ARPP21: variants seen among roughly 807,000 people sequenced by gnomAD.
ARPP21 encodes cAMP regulated phosphoprotein 21, also known as cAMP-regulated phosphoprotein 21.
Under a neutral mutation model 113.2 loss-of-function variants are expected in ARPP21, and 69 were observed. That is an observed-to-expected ratio of 0.61 (90% CI 0.50 to 0.74). The LOEUF (loss-of-function observed/expected upper bound fraction) is 0.74. Among genes scored for constraint, ARPP21 ranks in the 30% least tolerant of loss-of-function variants. The probability of loss-of-function intolerance (pLI) is 0.00; values close to 1 mark genes in which losing one functional copy is unlikely to be tolerated. For synonymous variants in ARPP21, 368 were observed against 375.5 expected (o/e 0.98, Z 0.23); for missense variants, 1,070 against 1,037.4 (o/e 1.03, Z -0.43).
At chr3:35,653,435 G>A (rs1293020400) in intron 1 of ARPP21, among the ~76,000 whole-genome samples, 2 of 151,954 alleles carry the variant, frequency 1.3e-5, no homozygotes, top group Admixed American at 6.6e-5. Flanking sequence ...TGACAAAGAA[G>A]GCCATGGAAA....
intron 1 of ARPP21, among the ~76,000 whole-genome samples, chr3:35,672,023 A>G: frequency 6.6e-6 from 1 of 151,936 alleles, no homozygotes; most frequent in South Asian, 2.1e-4. Flanking sequence ...TTCCTTACTT[A>G]TATGCTTTAG....
chr3:35,755,936 G>A (rs913823021), intron 19 of ARPP21, among the ~76,000 whole-genome samples: 2 of 152,016 alleles, frequency 1.3e-5, no homozygotes, highest in Admixed American at 6.6e-5. Flanking sequence ...GAACTTATAA[G>A]ACACTATCTC....
intron 19 of ARPP21, among the ~76,000 whole-genome samples, chr3:35,781,119 T>C (rs774498257): frequency 2.0e-5 from 3 of 152,078 alleles, no homozygotes; most frequent in Non-Finnish European, 2.9e-5. Flanking sequence ...GCCTGAGAAT[T>C]TAGATAGCTG....
At chr3:35,733,398 G>A (rs948156977) in intron 15 of ARPP21, among the ~76,000 whole-genome samples, 2 of 152,150 alleles carry the variant, frequency 1.3e-5, no homozygotes, top group African/African-American at 4.8e-5. Flanking sequence ...CGCCTGCTCT[G>A]CATTCAAAGT....
chr3:35,678,515 T>C (rs2078079611), intron 1 of ARPP21, among the ~76,000 whole-genome samples: 1 of 151,968 alleles, frequency 6.6e-6, no homozygotes, highest in Non-Finnish European at 1.5e-5. Context: ...TCCACTTTTT[T>C]CCTAAATGCA....
chr3:35,721,885 C>T lies in ARPP21; in HGVS notation c.1225+51C>T, dbSNP rs760471019. 5.6e-6 allele frequency: 7 copies of T among 1,243,024 alleles called. No homozygotes were observed. The East Asian group carries it at 7.7e-5, about 14-fold the overall frequency. 77.0% of individuals were successfully genotyped at this position (1,243,024 alleles called of 1,614,324 possible). On this transcript the variant is annotated intron_variant, in intron 14 of 20. Coordinates refer to ENST00000684406, the MANE Select transcript of ARPP21 (RefSeq NM_001385562.1). ...TCCTGTGGTATTTTTTGGATTCTAC[C>T]CAAGCCATATGGTCACCATTCCCTC...
At chr3:35,643,468 G>C (rs1698936200) in intron 1 of ARPP21, among the ~76,000 whole-genome samples, 1 of 152,062 alleles carries the variant, frequency 6.6e-6, no homozygotes. Flanking sequence ...ATTTCCCTTA[G>C]TGGTCATGCC....
intron 14 of ARPP21, among the ~76,000 whole-genome samples, chr3:35,728,774 G>T (rs2093735037): frequency 6.6e-6 from 1 of 152,064 alleles, no homozygotes; most frequent in East Asian, 1.9e-4. Context: ...ACACATGAAG[G>T]TAAAAGATTA....
chr3:35,764,846 T>A (rs1576786963), intron 19 of ARPP21, among the ~76,000 whole-genome samples: 1 of 152,146 alleles, frequency 6.6e-6, no homozygotes, highest in Admixed American at 6.6e-5. Context: ...GAAATACATA[T>A]GCATAGAGGA....
intron 19 of ARPP21, among the ~76,000 whole-genome samples, chr3:35,777,596 A>G (rs2096409262): frequency 6.6e-6 from 1 of 152,238 alleles, no homozygotes; most frequent in African/African-American, 2.4e-5. Context: ...ACTTGAGACT[A>G]ACTTCCAGTA....
chr3:35,666,268 A>G (rs2074342151), intron 1 of ARPP21, among the ~76,000 whole-genome samples: 1 of 152,076 alleles, frequency 6.6e-6, no homozygotes, highest in African/African-American at 2.4e-5. Flanking sequence ...AAAATTTTTT[A>G]CTGGTTTCTT....
chr3:35,704,803 C>G lies in ARPP21; in HGVS notation c.687-2171C>G, dbSNP rs528402558. Among the ~76,000 whole-genome samples, 3 of 152,032 alleles carry G rather than the reference C, an allele frequency of 2.0e-5. No individual in the cohort carries two copies. In the South Asian group the frequency reaches 6.2e-4, roughly 32 times the overall value. ...TATTCAGCCAAATGCCTCTCAGGTACCAGGCATGGTTCTAGGCACTAAGAC... is the reference window on the plus strand; with the variant it reads ...TATTCAGCCAAATGCCTCTCAGGTAGCAGGCATGGTTCTAGGCACTAAGAC... On this transcript the variant is annotated intron_variant, in intron 9 of 20. Transcript: ENST00000684406.
chr3:35,719,023 T>C (rs1487099136), intron 13 of ARPP21, among the ~76,000 whole-genome samples: 3 of 129,192 alleles, frequency 2.3e-5, no homozygotes, highest in Non-Finnish European at 5.2e-5. Context: ...TGGAATGAAA[T>C]TCTAGTTACT....
Position 35,668,014 on chromosome 3 carries a change from G to GAAGAAGAAGAAGAAGAAA in ARPP21, c.-212-11756_-212-11755insAAAGAAGAAGAAGAAGAA, listed in dbSNP as rs1559550148. Reference sequence around the variant, plus strand: ...AGAAGAAGAAGAAGAAGAAGAAGAAGAAGAAGAAGAAGAAGAAGGAGAAGA... The same window carrying GAAGAAGAAGAAGAAGAAA: ...AGAAGAAGAAGAAGAAGAAGAAGAAGAAGAAGAAGAAGAAGAAAAAGAAGAAGAAGAAGAAGGAGAAGA... On this transcript the variant is annotated intron_variant, in intron 1 of 20. Transcript: ENST00000684406. Among the ~76,000 whole-genome samples the GAAGAAGAAGAAGAAGAAA allele has an allele frequency of 1.9e-3, 281 of 149,836 alleles. 6 individuals are homozygous for GAAGAAGAAGAAGAAGAAA. Among genetic ancestry groups the GAAGAAGAAGAAGAAGAAA allele is most frequent in the African/African-American group, 6.3e-3 (254 of 40,054 alleles).
At chr3:35,725,956 A>G (rs1193845608) in intron 14 of ARPP21, among the ~76,000 whole-genome samples, 3 of 152,186 alleles carry the variant, frequency 2.0e-5, no homozygotes, top group Non-Finnish European at 4.4e-5. Flanking sequence ...AACATGACCT[A>G]CAGGCTTAGA....
chr3:35,730,245 A>T (rs1302569711), intron 15 of ARPP21, among the ~76,000 whole-genome samples: 1 of 152,198 alleles, frequency 6.6e-6, no homozygotes, highest in Non-Finnish European at 1.5e-5. Context: ...ATTTCAAAAG[A>T]CTGAGGGCAC....
At chr3:35,738,171 C>T (rs1267722404) in intron 16 of ARPP21, 43 bp from the exon 17 acceptor site, 1 of 1,273,006 alleles carries the variant, frequency 7.9e-7, no homozygotes, top group Non-Finnish European at 1.1e-6. Context: ...GATTTCAACC[C>T]CAGTGCTTTT....
At chr3:35,696,763 G>A (rs935826850) in intron 9 of ARPP21, among the ~76,000 whole-genome samples, 4 of 151,206 alleles carry the variant, frequency 2.6e-5, no homozygotes, top group Non-Finnish European at 5.9e-5. Flanking sequence ...TTGATATTTA[G>A]GATTTAGGTT....
intron 1 of ARPP21, among the ~76,000 whole-genome samples, chr3:35,663,930 T>C (rs765349199): frequency 5.9e-5 from 9 of 152,144 alleles, no homozygotes; most frequent in Non-Finnish European, 1.2e-4. Flanking sequence ...TTTGCTTTAG[T>C]TTTGTAATTA....
Sources: allele counts gnomAD v4.1 joint callset (sites outside exome capture counted in the v4.1 genomes callset), GRCh38; gene constraint gnomAD v4.1.1; transcripts MANE v1.5; gene names NCBI Gene and HGNC (gene_info 2026-07-23, HGNC 2026-07-21).